SPATA16: variants seen among roughly 807,000 people sequenced by gnomAD.
The protein encoded by SPATA16 is spermatogenesis-associated protein 16.
Under a neutral mutation model 63.3 loss-of-function variants are expected in SPATA16, and 36 were observed. The ratio of observed to expected loss-of-function variants is 0.57; its 90% CI spans 0.44 to 0.75. The LOEUF (loss-of-function observed/expected upper bound fraction) is 0.75. Among genes scored for constraint, SPATA16 ranks in the 30% least tolerant of loss-of-function variants. The probability of loss-of-function intolerance (pLI) is 0.00; values close to 1 mark genes in which losing one functional copy is unlikely to be tolerated. For missense variants in SPATA16, 646 were observed against 679.3 expected (o/e 0.95, Z 0.54); for synonymous variants, 203 against 216.7 (o/e 0.94, Z 0.56).
intron 8 of SPATA16, 86 bp from the exon 9 acceptor site, chr3:172,916,567 C>T (rs1265803595): frequency 2.1e-5 from 28 of 1,319,466 alleles, no homozygotes; most frequent in Non-Finnish European, 2.6e-5. Flanking sequence ...CTTGTGATAA[C>T]GTATTTACAT....
intron 1 of SPATA16, among the ~76,000 whole-genome samples, chr3:173,135,987 CTCTGAGTTT>C (rs1738535966): frequency 6.6e-6 from 1 of 152,196 alleles, no homozygotes; most frequent in Non-Finnish European, 1.5e-5. Context: ...CATACAAAGA[CTCTGAGTTT>C]TCCTAAGGCA....
chr3:172,961,073 C>CCTTT (rs1446773053), intron 5 of SPATA16, among the ~76,000 whole-genome samples: 965 of 87,362 alleles, frequency 0.011, 49 homozygotes, highest in African/African-American at 0.033. Flanking sequence ...CTTCTTTCTT[C>CCTTT]CTTCCTTCCT....
At chr3:173,031,494 G>A (rs1389936286) in intron 3 of SPATA16, among the ~76,000 whole-genome samples, 1 of 152,028 alleles carries the variant, frequency 6.6e-6, no homozygotes, top group African/African-American at 2.4e-5. Flanking sequence ...ATCCAAAGAT[G>A]CCCTATAATG....
intron 8 of SPATA16, among the ~76,000 whole-genome samples, chr3:172,916,703 C>T (rs183646360): frequency 1.3e-4 from 20 of 152,162 alleles, no homozygotes; most frequent in African/African-American, 2.2e-4. Context: ...ACTGTTGAGA[C>T]GGATTTGCTG....
At chr3:173,072,845 T>A (rs577619429) in intron 2 of SPATA16, among the ~76,000 whole-genome samples, 1 of 152,272 alleles carries the variant, frequency 6.6e-6, no homozygotes, top group Non-Finnish European at 1.5e-5. Context: ...TTGGAATGGT[T>A]TGGAGGACTC....
At chr3:173,082,939 T>G (rs1053714809) in intron 2 of SPATA16, among the ~76,000 whole-genome samples, 1 of 152,192 alleles carries the variant, frequency 6.6e-6, no homozygotes, top group Admixed American at 6.5e-5. Flanking sequence ...TGTTCACTTT[T>G]GTATCACCAG....
chr3:172,942,947 A>C (rs1468436952), intron 6 of SPATA16, among the ~76,000 whole-genome samples: 2 of 152,226 alleles, frequency 1.3e-5, no homozygotes, highest in Admixed American at 1.3e-4. Context: ...CTCAAAGAAG[A>C]TTTCATAATG....
chr3:172,924,155 A>C, intron 8 of SPATA16, 53 bp downstream of exon 8: 1 of 1,388,948 alleles, frequency 7.2e-7, no homozygotes, highest in Non-Finnish European at 1.0e-6. Flanking sequence ...ATATACTTCT[A>C]GAATTCTCTA....
At chr3:173,080,802 A>G (rs1577164421) in intron 2 of SPATA16, among the ~76,000 whole-genome samples, 1 of 152,342 alleles carries the variant, frequency 6.6e-6, no homozygotes, top group Non-Finnish European at 1.5e-5. Context: ...GCAAAAGCAC[A>G]CATCTGAAAG....
intron 5 of SPATA16, among the ~76,000 whole-genome samples, chr3:172,974,956 G>C (rs770980930): frequency 6.6e-6 from 1 of 151,946 alleles, no homozygotes; most frequent in East Asian, 1.9e-4. Context: ...TCAAGAAACA[G>C]GGAATACAAA....
chr3:172,926,866 T>C (rs1173737410), intron 6 of SPATA16, among the ~76,000 whole-genome samples: 1 of 152,162 alleles, frequency 6.6e-6, no homozygotes, highest in Non-Finnish European at 1.5e-5. Flanking sequence ...AAACGAAGGA[T>C]GATGAACAGA....
chr3:172,992,145 G>A (rs1734592157), intron 4 of SPATA16, among the ~76,000 whole-genome samples: 1 of 152,054 alleles, frequency 6.6e-6, no homozygotes, highest in South Asian at 2.1e-4. Flanking sequence ...TTTGCTTGAA[G>A]GGGGGTAATG....
chr3:173,052,528 T>C (rs1238152787), intron 2 of SPATA16, among the ~76,000 whole-genome samples: 1 of 152,220 alleles, frequency 6.6e-6, no homozygotes, highest in African/African-American at 2.4e-5. Context: ...TCCAAAGTAG[T>C]ACATCTTTGA....
chr3:173,108,736 A>AT (rs1008954473), intron 2 of SPATA16, among the ~76,000 whole-genome samples: 1 of 152,158 alleles, frequency 6.6e-6, no homozygotes, highest in Non-Finnish European at 1.5e-5. Context: ...CAGGTGTACC[A>AT]TTTTTTATTT....
chr3:173,136,110 T>C (rs1195687885), intron 1 of SPATA16, among the ~76,000 whole-genome samples: 1 of 152,152 alleles, frequency 6.6e-6, no homozygotes, highest in Non-Finnish European at 1.5e-5. Context: ...TTAGGAGGTG[T>C]TTTCTTCAAA....
In SPATA16 at chr3:173,121,966, C is replaced by T. The variant is rs558176102; in HGVS notation, c.-18-4217G>A. ...GACATTAGTCAGTGTTCCTGAGACA[C>T]TGAGCTGCACTTTAATCATTACTTC... On this transcript the variant is annotated intron_variant, in intron 1 of 10. Transcript: ENST00000351008. 3.3e-5 allele frequency among the ~76,000 whole-genome samples: 5 copies of T among 152,238 alleles called. No individual in the cohort carries two copies. The East Asian group carries it at 9.6e-4, about 29-fold the overall frequency.
chr3:172,982,345 G>A (rs1734341848), intron 4 of SPATA16, among the ~76,000 whole-genome samples: 1 of 152,180 alleles, frequency 6.6e-6, no homozygotes, highest in Non-Finnish European at 1.5e-5. Context: ...GCTCATATGA[G>A]AGCTTAATGA....
intron 1 of SPATA16, among the ~76,000 whole-genome samples, chr3:173,140,417 A>G (rs1337787968): frequency 6.6e-6 from 1 of 152,238 alleles, no homozygotes; most frequent in Non-Finnish European, 1.5e-5. Context: ...CTCACGCTGA[A>G]CAACCTTTGA....
At chr3:173,031,993 A>G (rs895546518) in intron 3 of SPATA16, among the ~76,000 whole-genome samples, 1 of 152,156 alleles carries the variant, frequency 6.6e-6, no homozygotes, top group Non-Finnish European at 1.5e-5. Flanking sequence ...AACAAAGCAT[A>G]TAGCTCTGCC....
Sources: gnomAD v4.1 joint callset for allele counts (sites outside exome capture counted in the v4.1 genomes callset) on GRCh38, gnomAD v4.1.1 for gene constraint, MANE v1.5 for transcripts, NCBI Gene and HGNC (gene_info 2026-07-23, HGNC 2026-07-21) for gene names.